LEF1: variants seen among roughly 807,000 people sequenced by gnomAD.
The protein encoded by LEF1 is lymphoid enhancer-binding factor 1.
Under a neutral mutation model 51.2 loss-of-function variants are expected in LEF1, and 14 were observed. The observed-to-expected ratio is 0.27, with a 90% CI of 0.18 to 0.43. LEF1 has a LOEUF of 0.43. LEF1 is among the 20% of genes least tolerant of loss of function. The probability of loss-of-function intolerance (pLI) is 1.00; values close to 1 mark genes in which losing one functional copy is unlikely to be tolerated. For missense variants in LEF1, 386 were observed against 512.0 expected, an observed-to-expected ratio of 0.75 and a Z score of 2.37; for synonymous variants, 185 against 183.2, an observed-to-expected ratio of 1.01 and a Z score of -0.08.
At chr4:108,118,250 G>T (rs1388308150) in intron 3 of LEF1, among the ~76,000 whole-genome samples, 3 of 152,260 alleles carry the variant, frequency 2.0e-5, no homozygotes, top group African/African-American at 7.2e-5. Context: ...AATACTTACT[G>T]CTAACTTGGA....
At chr4:108,057,225 T>C (rs538130416) in intron 11 of LEF1, among the ~76,000 whole-genome samples, 1 of 152,270 alleles carries the variant, frequency 6.6e-6, no homozygotes, top group African/African-American at 2.4e-5. Flanking sequence ...TTTCTAGTTG[T>C]TGAAGCCTTA....
intron 3 of LEF1, among the ~76,000 whole-genome samples, chr4:108,100,102 T>C (rs1222384058): frequency 1.3e-5 from 2 of 152,144 alleles, no homozygotes; most frequent in African/African-American, 4.8e-5. Flanking sequence ...GATATATTTA[T>C]ATGAGTCAAG....
intron 11 of LEF1, among the ~76,000 whole-genome samples, chr4:108,059,773 G>C (rs552911141): frequency 2.6e-5 from 4 of 152,250 alleles, no homozygotes; most frequent in African/African-American, 4.8e-5. Flanking sequence ...TATAATCTCA[G>C]CTCACTGCAG....
At chr4:108,144,541 C>T (rs1365984704) in intron 3 of LEF1, among the ~76,000 whole-genome samples, 1 of 152,186 alleles carries the variant, frequency 6.6e-6, no homozygotes, top group Non-Finnish European at 1.5e-5. Flanking sequence ...TCAGATAGCA[C>T]AGAGCCTTCT....
intron 8 of LEF1, chr4:108,071,723 G>C (rs1375695762): frequency 6.6e-6 from 1 of 152,218 alleles, no homozygotes; most frequent in Non-Finnish European, 1.5e-5. Context: ...TCTGCCAGCA[G>C]AACTTTCCAG....
At chr4:108,056,408 C>A (rs1737303605) in intron 11 of LEF1, among the ~76,000 whole-genome samples, 2 of 152,220 alleles carry the variant, frequency 1.3e-5, no homozygotes, top group Admixed American at 1.3e-4. Flanking sequence ...AACACATTTC[C>A]CCTTTCTCCT....
At chr4:108,150,919 A>G (rs959707887) in intron 3 of LEF1, among the ~76,000 whole-genome samples, 1 of 152,166 alleles carries the variant, frequency 6.6e-6, no homozygotes, top group African/African-American at 2.4e-5. Context: ...ATTTCTCATA[A>G]TCACATGGAG....
chr4:108,160,404 T>C (rs528249065), intron 3 of LEF1, among the ~76,000 whole-genome samples: 1 of 152,346 alleles, frequency 6.6e-6, no homozygotes, highest in South Asian at 2.1e-4. Context: ...GCATCTTCTC[T>C]TCACTCTCTG....
chr4:108,165,439 C>T (rs1288675414), intron 1 of LEF1, among the ~76,000 whole-genome samples: 4 of 152,278 alleles, frequency 2.6e-5, no homozygotes, highest in Middle Eastern at 3.4e-3. Flanking sequence ...GATCCACATG[C>T]TGTTCTGACT....
intron 8 of LEF1, among the ~76,000 whole-genome samples, chr4:108,071,328 C>G (rs1338422836): frequency 1.3e-5 from 2 of 152,194 alleles, no homozygotes; most frequent in Admixed American, 1.3e-4. Flanking sequence ...TCCATCTCTT[C>G]ATTGTCTCCT....
chr4:108,102,376 C>T (rs1261670795), intron 3 of LEF1, among the ~76,000 whole-genome samples: 1 of 152,156 alleles, frequency 6.6e-6, no homozygotes, highest in Non-Finnish European at 1.5e-5. Flanking sequence ...GAGACGTGGT[C>T]ATCCTGCCAA....
At chr4:108,106,769 C>T (rs1258732492) in intron 3 of LEF1, among the ~76,000 whole-genome samples, 1 of 152,102 alleles carries the variant, frequency 6.6e-6, no homozygotes, top group African/African-American at 2.4e-5. Flanking sequence ...TTTCCAAAAC[C>T]CAGTCAAGTT....
At chr4:108,160,616 TAATTTGCC>T (rs1445423862) in intron 3 of LEF1, among the ~76,000 whole-genome samples, 1 of 152,216 alleles carries the variant, frequency 6.6e-6, no homozygotes, top group Non-Finnish European at 1.5e-5. Flanking sequence ...TAGAAGGATG[TAATTTGCC>T]AATTAAAATT....
intron 3 of LEF1, among the ~76,000 whole-genome samples, chr4:108,147,072 G>T (rs1437082746): frequency 6.6e-6 from 1 of 152,120 alleles, no homozygotes; most frequent in Non-Finnish European, 1.5e-5. Flanking sequence ...AGGCTGCAGT[G>T]AGCTTTGATT....
At chr4:108,139,834 T>C (rs1307391567) in intron 3 of LEF1, among the ~76,000 whole-genome samples, 3 of 152,160 alleles carry the variant, frequency 2.0e-5, no homozygotes, top group African/African-American at 4.8e-5. Context: ...TAAAAATATA[T>C]ACTGGCTCAT....
intron 3 of LEF1, among the ~76,000 whole-genome samples, chr4:108,139,728 A>G (rs1405775818): frequency 3.9e-5 from 6 of 152,228 alleles, no homozygotes; most frequent in Non-Finnish European, 4.4e-5. Context: ...TCTCACAAAC[A>G]TTTACAGCTG....
intron 3 of LEF1, among the ~76,000 whole-genome samples, chr4:108,146,682 A>G (rs1172064641): frequency 1.3e-5 from 2 of 152,178 alleles, no homozygotes; most frequent in African/African-American, 4.8e-5. Context: ...TTGGTTCAGT[A>G]TGTCTGATGG....
chr4:108,097,344 C>G (rs1414855018), intron 3 of LEF1, among the ~76,000 whole-genome samples: 1 of 152,122 alleles, frequency 6.6e-6, no homozygotes, highest in Non-Finnish European at 1.5e-5. Context: ...CACAGAGAAA[C>G]AAATAACCAC....
intron 3 of LEF1, among the ~76,000 whole-genome samples, chr4:108,127,899 AG>A (rs2110345669): frequency 6.6e-6 from 1 of 152,196 alleles, no homozygotes; most frequent in South Asian, 2.1e-4. Context: ...CTTTTTCTGG[AG>A]TTTCCACATG....
Sources: allele counts gnomAD v4.1 joint callset (sites outside exome capture counted in the v4.1 genomes callset), GRCh38; gene constraint gnomAD v4.1.1; transcripts MANE v1.5; gene names NCBI Gene and HGNC (gene_info 2026-07-23, HGNC 2026-07-21).